RAB38: variants seen among roughly 807,000 people sequenced by gnomAD.
RAB38 encodes RAB38, member RAS oncogene family, also known as ras-related protein Rab-38.
Under a neutral mutation model 18.4 loss-of-function variants are expected in RAB38, and 15 were observed. That is an observed-to-expected ratio of 0.82 (90% confidence interval 0.55 to 1.26). The LOEUF (loss-of-function observed/expected upper bound fraction) is 1.26. Ranked by LOEUF, RAB38 falls within the 50% of genes most tolerant of loss-of-function variation. RAB38 has a pLI of 0.00. For synonymous variants in RAB38, 101 were observed against 104.4 expected, an observed-to-expected ratio of 0.97 and a Z score of 0.20; for missense variants, 294 against 267.4, an observed-to-expected ratio of 1.10 and a Z score of -0.69.
the RAB38 span, among the ~76,000 whole-genome samples, chr11:88,038,957 T>A: frequency 1.3e-5 from 2 of 152,158 alleles, no homozygotes; most frequent in African/African-American, 4.8e-5. Context: ...GTTGTTAAGA[T>A]GAAAAAAGAA....
At chr11:88,019,015 C>T in the RAB38 span, among the ~76,000 whole-genome samples, 1 of 151,892 alleles carries the variant, frequency 6.6e-6, no homozygotes, top group Non-Finnish European at 1.5e-5. Context: ...ACCTCACTGA[C>T]CACTTCTTTT....
chr11:87,952,604 T>C, the RAB38 span, among the ~76,000 whole-genome samples: 2 of 152,174 alleles, frequency 1.3e-5, no homozygotes, highest in African/African-American at 4.8e-5. Flanking sequence ...AAATGGGTTA[T>C]ACCCACAAAT....
chr11:87,892,751 G>A, the RAB38 span, among the ~76,000 whole-genome samples: 16 of 151,682 alleles, frequency 1.1e-4, no homozygotes, highest in Non-Finnish European at 2.1e-4. Flanking sequence ...TTAAGATTCC[G>A]CTCAGGTACT....
the RAB38 span, among the ~76,000 whole-genome samples, chr11:88,022,248 AT>A: frequency 7.8e-6 from 1 of 128,296 alleles, no homozygotes; most frequent in Non-Finnish European, 1.7e-5. Context: ...AAATCACAAG[AT>A]TATTTCAACT....
At chr11:87,878,198 G>T in the RAB38 span, among the ~76,000 whole-genome samples, 1 of 108,310 alleles carries the variant, frequency 9.2e-6, no homozygotes, top group East Asian at 2.3e-4. Flanking sequence ...CCTAATATGT[G>T]CTAAACATAT....
the RAB38 span, among the ~76,000 whole-genome samples, chr11:87,963,435 G>C: frequency 6.6e-6 from 1 of 152,018 alleles, no homozygotes; most frequent in African/African-American, 2.4e-5. Context: ...ACAGTTCTAA[G>C]ATACCTTAAA....
At chr11:88,119,040 C>A (rs1038241401) in intron 2 of RAB38, among the ~76,000 whole-genome samples, 3 of 152,120 alleles carry the variant, frequency 2.0e-5, no homozygotes, top group Non-Finnish European at 2.9e-5. Context: ...ATCCTACTCC[C>A]CATACATTAC....
At chr11:87,813,895 C>T in the RAB38 span, among the ~76,000 whole-genome samples, 10 of 152,196 alleles carry the variant, frequency 6.6e-5, no homozygotes, top group Non-Finnish European at 1.2e-4. Flanking sequence ...TGCTGTTTCC[C>T]GTGGGGGTGT....
chr11:88,053,149 AATATATATATACACACATATATATGGAAT>A, the RAB38 span, among the ~76,000 whole-genome samples: 2 of 109,562 alleles, frequency 1.8e-5, no homozygotes, highest in South Asian at 5.4e-4. Context: ...ATATATATGG[AATATATATATACACACATATATATGGAAT>A]ATATATATAC....
chr11:87,826,744 AT>A, the RAB38 span, among the ~76,000 whole-genome samples: 1 of 152,172 alleles, frequency 6.6e-6, no homozygotes, highest in Non-Finnish European at 1.5e-5. Context: ...CATTTGGCTA[AT>A]AAATGACAGT....
chr11:88,089,996 TG>T, the RAB38 span, among the ~76,000 whole-genome samples: 1 of 151,772 alleles, frequency 6.6e-6, no homozygotes, highest in Non-Finnish European at 1.5e-5. Flanking sequence ...ACCTCAGAAC[TG>T]GGGGACTATA....
the RAB38 span, among the ~76,000 whole-genome samples, chr11:87,940,479 A>C: frequency 1.3e-5 from 2 of 152,130 alleles, no homozygotes; most frequent in South Asian, 4.1e-4. Context: ...AAGAGAGTTA[A>C]TAGGATATGG....
chr11:87,805,755 A>G, the RAB38 span, among the ~76,000 whole-genome samples: 1 of 152,058 alleles, frequency 6.6e-6, no homozygotes, highest in East Asian at 1.9e-4. Flanking sequence ...ATACACATAC[A>G]TATATGTGTG....
the RAB38 span, among the ~76,000 whole-genome samples, chr11:87,952,147 T>C: frequency 5.9e-5 from 9 of 152,092 alleles, no homozygotes; most frequent in Admixed American, 5.9e-4. Context: ...ACCACAGGGA[T>C]CCATCGGGAG....
At chr11:88,171,546 G>A (rs1464214278) in intron 1 of RAB38, among the ~76,000 whole-genome samples, 1 of 152,134 alleles carries the variant, frequency 6.6e-6, no homozygotes, top group Non-Finnish European at 1.5e-5. Context: ...TCAAATTAAG[G>A]ACAGTAGAGC....
the RAB38 span, among the ~76,000 whole-genome samples, chr11:88,004,479 A>AGGTTTT: frequency 1.3e-5 from 2 of 151,270 alleles, no homozygotes. Flanking sequence ...GTTCCTCAAT[A>AGGTTTT]TCATAAAGGA....
chr11:88,041,229 G>A, the RAB38 span, among the ~76,000 whole-genome samples: 1 of 152,132 alleles, frequency 6.6e-6, no homozygotes, highest in Non-Finnish European at 1.5e-5. Context: ...TCTGTAGCAT[G>A]GCATGTTCCT....
chr11:88,082,545 C>T, the RAB38 span, among the ~76,000 whole-genome samples: 1 of 151,764 alleles, frequency 6.6e-6, no homozygotes, highest in African/African-American at 2.4e-5. Context: ...TATGCATCTC[C>T]CGCAATCTAT....
At chr11:87,876,509 A>G in the RAB38 span, among the ~76,000 whole-genome samples, 3 of 151,530 alleles carry the variant, frequency 2.0e-5, no homozygotes, top group South Asian at 2.1e-4. Flanking sequence ...AAGAGTAACA[A>G]ATATTAATTC....
Sources: allele counts gnomAD v4.1 joint callset (sites outside exome capture counted in the v4.1 genomes callset), GRCh38; gene constraint gnomAD v4.1.1; transcripts MANE v1.5; gene names NCBI Gene and HGNC (gene_info 2026-07-23, HGNC 2026-07-21).